The following CPXM2 variants were observed in gnomAD, a reference collection of about 807,000 sequenced individuals.
CPXM2 encodes the protein inactive carboxypeptidase-like protein X2.
In CPXM2, 66 loss-of-function variants were observed where a neutral mutation model predicts 86.1. The observed-to-expected ratio is 0.77, with a 90% CI of 0.63 to 0.94. The LOEUF (loss-of-function observed/expected upper bound fraction) is 0.94, where lower values mean the gene tolerates loss of function less well. Among genes scored for constraint, CPXM2 ranks in the 40% least tolerant of loss-of-function variants. CPXM2 has a pLI of 0.00. For missense variants in CPXM2, 948 were observed against 1,026.3 expected, an observed-to-expected ratio of 0.92 and a Z score of 1.04; for synonymous variants, 388 against 400.2, an observed-to-expected ratio of 0.97 and a Z score of 0.36.
intron 10 of CPXM2, 52 bp from the exon 11 acceptor site, chr10:123,762,221 C>T: frequency 1.2e-6 from 2 of 1,611,656 alleles, no homozygotes; most frequent in Non-Finnish European, 1.7e-6. Flanking sequence ...CATTTTATCT[C>T]CCCAGCTGTC....
chr10:123,845,066 CAAA>C (rs61013140), intron 3 of CPXM2, among the ~76,000 whole-genome samples: 9 of 90,052 alleles, frequency 1.0e-4, no homozygotes, highest in African/African-American at 2.0e-4. Context: ...GACTCAGTCT[CAAA>C]AAAAAAAAAA....
At chr10:123,880,145 T>TGGGGGGCCCCCCCCCCCC in intron 2 of CPXM2, 66 bp downstream of exon 2, 2 of 407,578 alleles carry the variant, frequency 4.9e-6, no homozygotes, top group African/African-American at 2.1e-5. Flanking sequence ...CAGGGGCCTG[T>TGGGGGGCCCCCCCCCCCC]ACCCACCCAC....
In CPXM2 at chr10:123,753,624, G is replaced by A. The variant is rs117765181; in HGVS notation, c.2017+1039C>T. 7.9e-4 allele frequency among the ~76,000 whole-genome samples: 121 copies of A among 152,322 alleles called. No homozygotes were observed. The East Asian group carries it at 0.014, about 17-fold the overall frequency. ...TATGAGCGTTCTTTGAGAACAGATC[G>A]TGTGGGGAACAGCTCCTTGTTCCTG... On this transcript the variant is annotated intron_variant, in intron 13 of 13. Coordinates refer to ENST00000241305, the MANE Select transcript of CPXM2 (RefSeq NM_198148.3).
Position 123,797,992 on chromosome 10 carries a change from C to G in CPXM2, c.873G>C (p.Leu291=), listed in dbSNP as rs1362213988. 1 of 1,606,616 alleles carries G rather than the reference C, an allele frequency of 6.2e-7. No homozygotes were observed. Among genetic ancestry groups the G allele is most frequent in the Admixed American group, 1.7e-5 (1 of 59,190 alleles). Residue 291 remains leucine (L), a synonymous_variant, in exon 6 of 14, where the codon CTG becomes CTC. Coordinates refer to ENST00000241305, the MANE Select transcript of CPXM2 (RefSeq NM_198148.3). The stretch of plus-strand genomic sequence containing the variant: ...TGAACTCACCTGGCAGTGGGCAGCC[C>G]AGGATCTCCATTCTCATGCAGATGC... ...NGSICMRMEI[L]GCPLPDPNNY...
chr10:123,911,231 A>G (rs1308974135), intron 2 of CPXM2, among the ~76,000 whole-genome samples: 2 of 152,060 alleles, frequency 1.3e-5, no homozygotes, highest in African/African-American at 4.8e-5. Context: ...TGACTCTCTC[A>G]TTTGGGAATT....
chr10:123,756,752 T>C (rs758198404), intron 12 of CPXM2, among the ~76,000 whole-genome samples: 74 of 152,272 alleles, frequency 4.9e-4, no homozygotes, highest in Middle Eastern at 3.4e-3. Context: ...CACAGAGGGA[T>C]AACCACCACA....
chr10:123,941,088 A>G (rs540414070), upstream of CPXM2, among the ~76,000 whole-genome samples: 8 of 152,226 alleles, frequency 5.3e-5, no homozygotes, highest in African/African-American at 1.4e-4. Context: ...GGAGAATGGC[A>G]TGAACCTGGG....
intron 7 of CPXM2, among the ~76,000 whole-genome samples, chr10:123,772,271 T>TCCCTGGTTGTGGTTA (rs1846656716): frequency 6.1e-4 from 2 of 3,254 alleles, no homozygotes; most frequent in East Asian, 0.015. Flanking sequence ...GGTTCTCACC[T>TCCCTGGTTGTGGTTA]TCACTGTTGT....
intron 4 of CPXM2, among the ~76,000 whole-genome samples, chr10:123,799,795 C>G (rs1847414769): frequency 6.6e-6 from 1 of 152,208 alleles, no homozygotes; most frequent in Non-Finnish European, 1.5e-5. Flanking sequence ...ATACCCCCAT[C>G]ATCACACCCT....
chr10:123,801,353 C>T (rs1360166367), intron 4 of CPXM2, among the ~76,000 whole-genome samples: 1 of 152,202 alleles, frequency 6.6e-6, no homozygotes, highest in Non-Finnish European at 1.5e-5. Flanking sequence ...CCTCCCCAGC[C>T]ATGTGGAACT....
chr10:123,830,240 C>T (rs1002622400), intron 4 of CPXM2, among the ~76,000 whole-genome samples: 2 of 152,116 alleles, frequency 1.3e-5, no homozygotes, highest in African/African-American at 4.8e-5. Context: ...ATACGAGTAG[C>T]TCAAATCACA....
intron 4 of CPXM2, among the ~76,000 whole-genome samples, chr10:123,814,551 T>C (rs1275106096): frequency 1.3e-5 from 2 of 152,152 alleles, no homozygotes; most frequent in East Asian, 3.9e-4. Flanking sequence ...CCCTGACTAA[T>C]ACAGATTTTG....
chr10:123,771,523 A>G (rs1445951955), intron 7 of CPXM2, among the ~76,000 whole-genome samples: 1 of 152,192 alleles, frequency 6.6e-6, no homozygotes, highest in African/African-American at 2.4e-5. Context: ...CCAGAGAGTG[A>G]GCCCTCACCA....
chr10:123,813,680 T>C (rs1038876329), intron 4 of CPXM2, among the ~76,000 whole-genome samples: 1 of 152,200 alleles, frequency 6.6e-6, no homozygotes, highest in Non-Finnish European at 1.5e-5. Flanking sequence ...AAACTAAACA[T>C]GAAATCTAGA....
chr10:123,930,436 C>T (rs1019722022), intron 2 of CPXM2, among the ~76,000 whole-genome samples: 23 of 152,218 alleles, frequency 1.5e-4, no homozygotes, highest in South Asian at 4.1e-4. Flanking sequence ...TCCAAAGGAA[C>T]GCAGTTCTCC....
chr10:123,828,196 TAAAG>T (rs1848087736), intron 4 of CPXM2, among the ~76,000 whole-genome samples: 3 of 152,046 alleles, frequency 2.0e-5, no homozygotes, highest in Admixed American at 1.3e-4. Flanking sequence ...GAAAAAAAGT[TAAAG>T]AAAGAGAAAT....
intron 2 of CPXM2, among the ~76,000 whole-genome samples, chr10:123,872,578 T>C (rs1944912280): frequency 6.6e-6 from 1 of 152,200 alleles, no homozygotes; most frequent in Admixed American, 6.5e-5. Context: ...AACGAAAATA[T>C]TTAAAAGACA....
At chr10:123,815,619 C>A (rs935355281) in intron 4 of CPXM2, among the ~76,000 whole-genome samples, 2 of 152,112 alleles carry the variant, frequency 1.3e-5, no homozygotes, top group Non-Finnish European at 2.9e-5. Flanking sequence ...ATAAACCCTG[C>A]GCTGCCTGAG....
chr10:123,863,386 G>A (rs866440388), intron 2 of CPXM2, among the ~76,000 whole-genome samples: 9 of 152,202 alleles, frequency 5.9e-5, no homozygotes, highest in African/African-American at 9.7e-5. Context: ...GCCATGCAGC[G>A]AGAGGGGGCC....
Sources: gnomAD v4.1 joint callset for allele counts (sites outside exome capture counted in the v4.1 genomes callset) on GRCh38, gnomAD v4.1.1 for gene constraint, MANE v1.5 for transcripts, NCBI Gene and HGNC (gene_info 2026-07-23, HGNC 2026-07-21) for gene names.